The following ALLC variants were observed in gnomAD, a reference collection of about 807,000 sequenced individuals.
The protein encoded by ALLC is probable inactive allantoicase.
In ALLC, 40 loss-of-function variants were observed where a neutral mutation model predicts 45.0. The observed-to-expected ratio is 0.89, with a 90% CI of 0.69 to 1.16. The LOEUF (loss-of-function observed/expected upper bound fraction) is 1.16. ALLC is among the 50% of genes most tolerant of loss of function. ALLC has a pLI of 0.00. For missense variants in ALLC, 488 were observed against 493.1 expected (o/e 0.99, Z 0.10); for synonymous variants, 176 against 178.1 (o/e 0.99, Z 0.09).
chr2:3,658,817 C>A (rs1446446790), intron 1 of ALLC, among the ~76,000 whole-genome samples: 2 of 139,784 alleles, frequency 1.4e-5, no homozygotes, highest in Non-Finnish European at 3.0e-5. Flanking sequence ...GTGGAGGTTG[C>A]AATGAGCCAA....
chr2:3,674,645 C>G (rs1190434620), intron 3 of ALLC, among the ~76,000 whole-genome samples: 1 of 152,156 alleles, frequency 6.6e-6, no homozygotes, highest in Non-Finnish European at 1.5e-5. Flanking sequence ...GTACAGCATT[C>G]ATGACTGGCC....
At chr2:3,664,014 G>A (rs1161192163) in intron 1 of ALLC, among the ~76,000 whole-genome samples, 2 of 152,184 alleles carry the variant, frequency 1.3e-5, no homozygotes, top group East Asian at 3.8e-4. Context: ...TGGTTCCCAC[G>A]TCAGTGCAAC....
Position 3,678,478 on chromosome 2 carries a change from C to A in ALLC, c.95C>A (p.Pro32Gln), listed in dbSNP as rs540280415. ...PAENLIKSDS[P>Q]CFKEHEYTEF... ...TGGTCTTTGCCCTAGAGTGACAGCC[C>A]GTGCTTCAAAGAGCATGAATATACG... The change falls in exon 4 of 12, where the codon CCG (proline) becomes CAG (glutamine). Residue 32 changes from proline (P) to glutamine (Q), a missense_variant. Coordinates refer to ENST00000252505, the MANE Select transcript of ALLC (RefSeq NM_018436.4). The A allele has an allele frequency of 6.2e-7, 1 of 1,613,736 alleles. No individual in the cohort carries two copies. Among genetic ancestry groups the A allele is most frequent in the Non-Finnish European group, 8.5e-7 (1 of 1,179,686 alleles).
At chr2:3,650,144 C>T in the ALLC span, among the ~76,000 whole-genome samples, 2 of 152,232 alleles carry the variant, frequency 1.3e-5, no homozygotes, top group African/African-American at 2.4e-5. Flanking sequence ...CTGCACAGTG[C>T]CCTCAATTGG....
At chr2:3,654,381 C>T (rs554798676), upstream of ALLC, among the ~76,000 whole-genome samples, 14 of 152,364 alleles carry the variant, frequency 9.2e-5, no homozygotes, top group East Asian at 1.9e-3. Flanking sequence ...CTCGGAACCA[C>T]GCTCTGCCAT....
the ALLC span, among the ~76,000 whole-genome samples, chr2:3,651,717 G>A: frequency 6.6e-6 from 1 of 151,990 alleles, no homozygotes; most frequent in Non-Finnish European, 1.5e-5. Flanking sequence ...GAGCTCCATC[G>A]GCCGGGGAGG....
intron 1 of ALLC, among the ~76,000 whole-genome samples, chr2:3,658,887 A>C (rs935131422): frequency 2.6e-5 from 4 of 151,828 alleles, no homozygotes; most frequent in African/African-American, 9.7e-5. Flanking sequence ...AAAAAAAAAA[A>C]AAAAAAAACC....
At chr2:3,665,079 T>C (rs1049900580) in intron 1 of ALLC, among the ~76,000 whole-genome samples, 3 of 152,176 alleles carry the variant, frequency 2.0e-5, no homozygotes, top group Non-Finnish European at 2.9e-5. Context: ...CTAGTTTGAA[T>C]AACAGGTTTG....
the ALLC span, among the ~76,000 whole-genome samples, chr2:3,646,908 T>C: frequency 6.6e-6 from 1 of 150,812 alleles, no homozygotes; most frequent in African/African-American, 2.4e-5. Context: ...TGTGTTTGTG[T>C]GTTGGGGGGC....
At chr2:3,690,668 G>A (rs1386879929) in intron 7 of ALLC, among the ~76,000 whole-genome samples, 16 of 147,892 alleles carry the variant, frequency 1.1e-4, no homozygotes, top group African/African-American at 3.8e-4. Context: ...AATAAACAAA[G>A]AAAAACAAAA....
the ALLC span, among the ~76,000 whole-genome samples, chr2:3,646,952 G>T: frequency 3.6e-5 from 5 of 137,212 alleles, no homozygotes; most frequent in African/African-American, 1.0e-4. Flanking sequence ...TCACTGAGCA[G>T]GTCATCTCAC....
At chr2:3,654,456 A>G (rs2163262), upstream of ALLC, among the ~76,000 whole-genome samples, 151,775 of 152,386 alleles carry the variant, frequency 1, 75,584 homozygotes, top group East Asian at 1. Flanking sequence ...TTACCAACGT[A>G]TGAGTGCCAG....
At chr2:3,655,108 G>A (rs1190637636), upstream of ALLC, among the ~76,000 whole-genome samples, 1 of 152,214 alleles carries the variant, frequency 6.6e-6, no homozygotes, top group Non-Finnish European at 1.5e-5. Flanking sequence ...GGTCAGCTCC[G>A]TGCTGGCTGC....
chr2:3,650,567 C>T, the ALLC span, among the ~76,000 whole-genome samples: 1 of 152,126 alleles, frequency 6.6e-6, no homozygotes, highest in African/African-American at 2.4e-5. Flanking sequence ...AACATGTGGG[C>T]CCTGGCAGCC....
chr2:3,665,525 C>T (rs1666682665), intron 1 of ALLC, among the ~76,000 whole-genome samples: 1 of 152,230 alleles, frequency 6.6e-6, no homozygotes, highest in African/African-American at 2.4e-5. Context: ...CGTGTGTTCT[C>T]ATCGTTCAGC....
intron 10 of ALLC, among the ~76,000 whole-genome samples, 161 bp downstream of exon 10, chr2:3,697,617 G>GTCTGTCTA (rs200159729): frequency 2.9e-5 from 4 of 138,610 alleles, no homozygotes; most frequent in Non-Finnish European, 1.5e-5. Context: ...AACTCTGTCT[G>GTCTGTCTA]TCTGTCTATC....
At chr2:3,663,922 G>A (rs1215604144) in intron 1 of ALLC, among the ~76,000 whole-genome samples, 2 of 152,186 alleles carry the variant, frequency 1.3e-5, no homozygotes, top group African/African-American at 4.8e-5. Context: ...TAACTTCCTA[G>A]CATGTAAAAT....
chr2:3,665,557 TGTG>T (rs1666683294), intron 1 of ALLC, among the ~76,000 whole-genome samples: 3 of 152,188 alleles, frequency 2.0e-5, no homozygotes, highest in Admixed American at 2.0e-4. Context: ...AGTGAGAACA[TGTG>T]GTGTTTGGTT....
At chr2:3,693,481 CT>C (rs1667575484) in intron 7 of ALLC, among the ~76,000 whole-genome samples, 1 of 152,198 alleles carries the variant, frequency 6.6e-6, no homozygotes, top group Non-Finnish European at 1.5e-5. Context: ...TTAACATACA[CT>C]GTGGAATAAC....
Sources: gnomAD v4.1 joint callset for allele counts (sites outside exome capture counted in the v4.1 genomes callset) on GRCh38, gnomAD v4.1.1 for gene constraint, MANE v1.5 for transcripts, NCBI Gene and HGNC (gene_info 2026-07-23, HGNC 2026-07-21) for gene names.